CRYBA4: variants seen among roughly 807,000 people sequenced by gnomAD.
CRYBA4 encodes the protein beta-crystallin A4.
Under a neutral mutation model 31.7 loss-of-function variants are expected in CRYBA4, and 30 were observed. That is an observed-to-expected ratio of 0.95 (90% CI 0.71 to 1.28). The LOEUF (loss-of-function observed/expected upper bound fraction) is 1.28. CRYBA4 is among the 50% of genes most tolerant of loss of function. The pLI is 0.00. For missense variants in CRYBA4, 225 were observed against 260.7 expected, an observed-to-expected ratio of 0.86 and a Z score of 0.94; for synonymous variants, 102 against 102.3, an observed-to-expected ratio of 1.00 and a Z score of 0.02.
the CRYBA4 span, chr22:26,601,942 G>A: frequency 4.0e-5 from 65 of 1,613,190 alleles, no homozygotes; most frequent in Admixed American, 1.1e-3. Flanking sequence ...GAGACTGGGT[G>A]CGTCGTCCCC....
the CRYBA4 span, among the ~76,000 whole-genome samples, chr22:26,611,469 G>GTTTTTTTT: frequency 7.5e-6 from 1 of 133,316 alleles, no homozygotes; most frequent in Non-Finnish European, 1.6e-5. Context: ...TTTTTTTTTT[G>GTTTTTTTT]TTTTTTTTTT....
the CRYBA4 span, among the ~76,000 whole-genome samples, chr22:26,614,555 C>T: frequency 1.3e-5 from 2 of 152,154 alleles, no homozygotes; most frequent in African/African-American, 2.4e-5. Flanking sequence ...GAGATGGTCA[C>T]GCTCTGAAAT....
chr22:26,614,959 C>T, the CRYBA4 span, among the ~76,000 whole-genome samples: 1 of 151,964 alleles, frequency 6.6e-6, no homozygotes, highest in Admixed American at 6.6e-5. Flanking sequence ...GACAGTATTT[C>T]CTGGAGTTGG....
the CRYBA4 span, among the ~76,000 whole-genome samples, chr22:26,606,041 C>T: frequency 2.6e-5 from 4 of 152,170 alleles, no homozygotes; most frequent in Non-Finnish European, 5.9e-5. Flanking sequence ...AAAGCTCATC[C>T]GCTATCGTTA....
rs368922769 is a variant in CRYBA4, at chr22:26,625,379, C to G, written c.159-102C>G. 4.7e-5 allele frequency: 63 copies of G among 1,343,148 alleles called. No homozygotes were observed. The East Asian group carries it at 8.0e-4, about 17-fold the overall frequency. 83.2% of individuals were successfully genotyped at this position (1,343,148 alleles called of 1,614,324 possible). Reference sequence around the variant, plus strand: ...AGTGTTTCCTGGGGGCACAGTCACCCCTGAATGGTTGTGACTGTGACCGTT... The same window carrying G: ...AGTGTTTCCTGGGGGCACAGTCACCGCTGAATGGTTGTGACTGTGACCGTT... On this transcript the variant is annotated intron_variant, in intron 3 of 5. Transcript: ENST00000354760.
At chr22:26,611,641 A>AT in the CRYBA4 span, among the ~76,000 whole-genome samples, 2 of 151,342 alleles carry the variant, frequency 1.3e-5, no homozygotes, top group African/African-American at 4.9e-5. Flanking sequence ...CGCCCGGCTA[A>AT]TTTTTTGTAT....
chr22:26,617,417 G>A (rs879818503), upstream of CRYBA4, among the ~76,000 whole-genome samples: 6 of 152,208 alleles, frequency 3.9e-5, no homozygotes, highest in African/African-American at 7.2e-5. Flanking sequence ...GTTGGGATAA[G>A]CACATCCCTC....
chr22:26,609,264 G>A, the CRYBA4 span, among the ~76,000 whole-genome samples: 1 of 152,214 alleles, frequency 6.6e-6, no homozygotes, highest in Non-Finnish European at 1.5e-5. Flanking sequence ...TTGTCTGAGA[G>A]ATGAGTTAAC....
At position 26,625,598 on chromosome 22, in the gene CRYBA4, C is replaced by T; in HGVS notation, c.276C>T (p.Thr92=). 6.2e-7 allele frequency: 1 copy of T among 1,613,978 alleles called. No individual in the cohort carries two copies. The highest frequency in any genetic ancestry group is 1.1e-5 in the South Asian group (1 of 91,072). ...GNTAYPAERL[T]SFRPAACANH... ...CGGCCTACCCCGCCGAGAGGCTCAC[C>T]TCCTTCCGGCCTGCGGCCTGTGCTG... Residue 92 remains threonine (T), a synonymous_variant, in exon 4 of 6, where the codon ACC becomes ACT. Transcript: ENST00000354760.
intron 3 of CRYBA4, 130 bp downstream of exon 3, chr22:26,623,482 T>C: frequency 1.4e-6 from 1 of 727,062 alleles, no homozygotes; most frequent in Admixed American, 2.2e-5. Context: ...CCTGAAGTAC[T>C]GAGGAGTGTG....
chr22:26,622,026 T>G, intron 1 of CRYBA4, 40 bp downstream of exon 1: 2 of 982,110 alleles, frequency 2.0e-6, no homozygotes, highest in Non-Finnish European at 2.4e-6. Flanking sequence ...ATCAGAGTTC[T>G]GAGTGAGCAT....
chr22:26,618,897 G>A (rs187294582), upstream of CRYBA4, among the ~76,000 whole-genome samples: 29 of 152,194 alleles, frequency 1.9e-4, no homozygotes, highest in Admixed American at 1.4e-3. Flanking sequence ...GATCCCTCTC[G>A]CCACCCCAGT....
upstream of CRYBA4, among the ~76,000 whole-genome samples, chr22:26,618,912 C>T (rs926438931): frequency 3.9e-5 from 6 of 152,192 alleles, no homozygotes; most frequent in African/African-American, 9.7e-5. Context: ...CCCAGTTCCC[C>T]GCCTCTACCC....
chr22:26,590,812 G>C, the CRYBA4 span, among the ~76,000 whole-genome samples: 17 of 152,118 alleles, frequency 1.1e-4, 1 homozygote, highest in South Asian at 3.3e-3. Context: ...ATAGCGTAAA[G>C]GTTGTGAAGC....
the CRYBA4 span, among the ~76,000 whole-genome samples, chr22:26,594,653 T>C: frequency 1.2e-4 from 19 of 152,076 alleles, no homozygotes; most frequent in Non-Finnish European, 2.5e-4. Context: ...ATTGCGCCAC[T>C]GCACTCCAGC....
chr22:26,605,291 C>T, the CRYBA4 span, among the ~76,000 whole-genome samples: 2 of 152,138 alleles, frequency 1.3e-5, no homozygotes, highest in Non-Finnish European at 2.9e-5. Context: ...TAGCTGCCTC[C>T]CTGGGTAGCT....
At chr22:26,604,680 A>G in the CRYBA4 span, among the ~76,000 whole-genome samples, 3 of 152,290 alleles carry the variant, frequency 2.0e-5, no homozygotes, top group South Asian at 6.2e-4. Flanking sequence ...GTGCAAGACA[A>G]TATCTGTGTG....
At position 26,622,649 on chromosome 22, in the gene CRYBA4, T is replaced by C; in HGVS notation, c.39+14T>C. On this transcript the variant is annotated intron_variant, in intron 2 of 5. Transcript: ENST00000354760. ...GGACCCTGGAAGGTAGGAAGAGGCA[T>C]GGGGAGGGGGTGTTCAGGGGGTATG... The C allele has an allele frequency of 8.2e-7, 1 of 1,220,034 alleles. No individual in the cohort carries two copies. The highest frequency in any genetic ancestry group is 1.1e-6 in the Non-Finnish European group (1 of 886,612). 75.6% of individuals were successfully genotyped at this position (1,220,034 alleles called of 1,614,324 possible).
the CRYBA4 span, among the ~76,000 whole-genome samples, chr22:26,597,939 A>G: frequency 1.3e-5 from 2 of 152,052 alleles, no homozygotes; most frequent in South Asian, 4.2e-4. Flanking sequence ...GCTGGAGTAC[A>G]GTGGCGCAAT....
Sources: allele counts gnomAD v4.1 joint callset (sites outside exome capture counted in the v4.1 genomes callset), GRCh38; gene constraint gnomAD v4.1.1; transcripts MANE v1.5; gene names NCBI Gene and HGNC (gene_info 2026-07-23, HGNC 2026-07-21).